STX8: variants seen among roughly 807,000 people sequenced by gnomAD.
STX8 encodes syntaxin-8.
Under a neutral mutation model 37.5 loss-of-function variants are expected in STX8, and 23 were observed. The observed-to-expected ratio is 0.61, with a 90% CI of 0.44 to 0.87. The LOEUF is 0.87. Ranked by LOEUF, STX8 falls within the 40% of genes least tolerant of loss-of-function variation. The probability of loss-of-function intolerance (pLI) is 0.00; values close to 1 mark genes in which losing one functional copy is unlikely to be tolerated. For missense variants in STX8, 313 were observed against 284.7 expected, an observed-to-expected ratio of 1.10 and a Z score of -0.71; for synonymous variants, 115 against 99.1, an observed-to-expected ratio of 1.16 and a Z score of -0.95.
intron 6 of STX8, among the ~76,000 whole-genome samples, chr17:9,399,970 A>G (rs1457885286): frequency 1.3e-5 from 2 of 152,132 alleles, no homozygotes; most frequent in African/African-American, 4.8e-5. Context: ...ATAGTTACTA[A>G]AATGAACATG....
intron 6 of STX8, among the ~76,000 whole-genome samples, chr17:9,462,678 A>C (rs1555529388): frequency 6.6e-6 from 1 of 151,974 alleles, no homozygotes; most frequent in Non-Finnish European, 1.5e-5. Context: ...AGCCGAGATC[A>C]CACCACTGCA....
At chr17:9,511,348 C>T (rs28863505) in intron 4 of STX8, among the ~76,000 whole-genome samples, 5,016 of 152,020 alleles carry the variant, frequency 0.033, 313 homozygotes, top group African/African-American at 0.11. Flanking sequence ...AATATACACA[C>T]AAAAATCCTC....
At chr17:9,307,700 C>T (rs1909048562) in intron 7 of STX8, among the ~76,000 whole-genome samples, 1 of 152,090 alleles carries the variant, frequency 6.6e-6, no homozygotes, top group African/African-American at 2.4e-5. Context: ...CAGAGTATGG[C>T]ACTTTGGCAT....
intron 6 of STX8, among the ~76,000 whole-genome samples, chr17:9,486,992 C>T (rs1309607072): frequency 6.6e-6 from 1 of 152,120 alleles, no homozygotes; most frequent in African/African-American, 2.4e-5. Flanking sequence ...CTCAGTGTTC[C>T]ACTTGCCAAC....
intron 7 of STX8, among the ~76,000 whole-genome samples, chr17:9,368,440 C>G (rs1310295642): frequency 1.3e-5 from 2 of 152,074 alleles, no homozygotes; most frequent in African/African-American, 4.8e-5. Context: ...GGAAGCATAG[C>G]TTGCACTGAG....
At chr17:9,413,221 G>A (rs897376810) in intron 6 of STX8, among the ~76,000 whole-genome samples, 9 of 152,194 alleles carry the variant, frequency 5.9e-5, no homozygotes, top group Admixed American at 1.3e-4. Flanking sequence ...AATCTGTTAT[G>A]AGTAGGAAAT....
chr17:9,418,516 TA>T (rs71361891), intron 6 of STX8, among the ~76,000 whole-genome samples: 42,401 of 114,810 alleles, frequency 0.37, 7,054 homozygotes, highest in East Asian at 0.62. Context: ...TCCGTTTTTC[TA>T]AAAAAAAAAA....
intron 6 of STX8, among the ~76,000 whole-genome samples, chr17:9,473,826 A>G (rs926718659): frequency 1.3e-5 from 2 of 152,172 alleles, no homozygotes; most frequent in African/African-American, 4.8e-5. Flanking sequence ...TTTGTTATTC[A>G]TGATGAGTCT....
intron 6 of STX8, among the ~76,000 whole-genome samples, chr17:9,472,123 T>C (rs1905895355): frequency 6.6e-6 from 1 of 151,698 alleles, no homozygotes; most frequent in Admixed American, 6.6e-5. Flanking sequence ...GTTACATAAC[T>C]TGCCTGAGGC....
chr17:9,297,415 T>C (rs1376280657), intron 7 of STX8, among the ~76,000 whole-genome samples: 1 of 152,138 alleles, frequency 6.6e-6, no homozygotes, highest in Non-Finnish European at 1.5e-5. Context: ...CAAGGAAGCT[T>C]AGAGTCAGGG....
intron 7 of STX8, among the ~76,000 whole-genome samples, chr17:9,333,748 C>G (rs1408593830): frequency 1.3e-5 from 2 of 151,520 alleles, no homozygotes; most frequent in African/African-American, 4.9e-5. Context: ...AGATATAACA[C>G]ACACATGTTT....
intron 7 of STX8, among the ~76,000 whole-genome samples, chr17:9,335,832 G>GACACACACACACAC (rs10701494): frequency 8.8e-5 from 13 of 147,730 alleles, no homozygotes; most frequent in South Asian, 2.1e-4. Flanking sequence ...CACACACGTA[G>GACACACACACACAC]ACACACACAC....
intron 7 of STX8, among the ~76,000 whole-genome samples, chr17:9,270,405 G>A (rs1349829396): frequency 2.0e-5 from 3 of 151,862 alleles, no homozygotes; most frequent in South Asian, 2.1e-4. Context: ...CCGCCACCAC[G>A]CCCGGCTAAT....
At chr17:9,255,356 G>A (rs1009939238) in intron 7 of STX8, among the ~76,000 whole-genome samples, 1 of 151,978 alleles carries the variant, frequency 6.6e-6, no homozygotes, top group Non-Finnish European at 1.5e-5. Flanking sequence ...GAGAAACCAC[G>A]TCTCTACTAA....
chr17:9,360,652 T>C (rs574013471), intron 7 of STX8, among the ~76,000 whole-genome samples: 2 of 140,090 alleles, frequency 1.4e-5, no homozygotes, highest in Non-Finnish European at 3.1e-5. Context: ...AAAAAAAATA[T>C]TTATTAGTGT....
At chr17:9,535,494 G>A (rs533905041) in intron 4 of STX8, among the ~76,000 whole-genome samples, 9 of 131,356 alleles carry the variant, frequency 6.9e-5, no homozygotes, top group African/African-American at 1.7e-4. Flanking sequence ...GTGCAGTGGC[G>A]CAATCTCGGC....
At chr17:9,266,064 A>ACAATGGC (rs1597572834) in intron 7 of STX8, among the ~76,000 whole-genome samples, 1 of 152,250 alleles carries the variant, frequency 6.6e-6, no homozygotes, top group East Asian at 1.9e-4. Context: ...GGGTAAGACT[A>ACAATGGC]GGGTGCCTTC....
At chr17:9,267,312 C>A (rs151046833) in intron 7 of STX8, among the ~76,000 whole-genome samples, 1 of 152,314 alleles carries the variant, frequency 6.6e-6, no homozygotes, top group Non-Finnish European at 1.5e-5. Flanking sequence ...AAGCATACTA[C>A]CCGGCTTATG....
intron 6 of STX8, among the ~76,000 whole-genome samples, chr17:9,488,817 A>G (rs1474532097): frequency 1.1e-5 from 1 of 88,082 alleles, no homozygotes; most frequent in African/African-American, 4.3e-5. Context: ...AGAGAGAGAG[A>G]GAGAGTGTGT....
Sources: gnomAD v4.1 joint callset for allele counts (sites outside exome capture counted in the v4.1 genomes callset) on GRCh38, gnomAD v4.1.1 for gene constraint, MANE v1.5 for transcripts, NCBI Gene and HGNC (gene_info 2026-07-23, HGNC 2026-07-21) for gene names.